Variants in RASSF4 observed in about 807,000 individuals in gnomAD.
RASSF4 encodes the protein ras association domain-containing protein 4.
A neutral mutation model predicts 41.1 loss-of-function variants in RASSF4; 38 were observed. The ratio of observed to expected loss-of-function variants is 0.92; its 90% CI spans 0.71 to 1.21. The LOEUF is 1.21. Among genes scored for constraint, RASSF4 ranks in the 50% most tolerant of loss-of-function variants. The pLI is 0.00. For synonymous variants in RASSF4, 179 were observed against 163.4 expected, an observed-to-expected ratio of 1.10 and a Z score of -0.73; for missense variants, 414 against 419.4, an observed-to-expected ratio of 0.99 and a Z score of 0.11.
intron 3 of RASSF4, 140 bp from the exon 4 acceptor site, chr10:44,982,381 G>C: frequency 1.9e-6 from 2 of 1,032,848 alleles, no homozygotes; most frequent in Non-Finnish European, 2.9e-6. Flanking sequence ...CGTAGTGGCT[G>C]ATGGTCCTTC....
intron 1 of RASSF4, among the ~76,000 whole-genome samples, chr10:44,966,619 G>T (rs139959756): frequency 1.9e-4 from 29 of 152,212 alleles, no homozygotes; most frequent in African/African-American, 6.8e-4. Context: ...GAACTTTCTT[G>T]AAACTGTGGT....
At chr10:44,977,739 T>C in intron 3 of RASSF4, 1 of 1,603,882 alleles carries the variant, frequency 6.2e-7, no homozygotes, top group Non-Finnish European at 8.5e-7. Context: ...GTATCAGCCA[T>C]GGGCAGTGTG....
At chr10:44,991,663 C>T (rs1402538792) in intron 9 of RASSF4, among the ~76,000 whole-genome samples, 1 of 152,236 alleles carries the variant, frequency 6.6e-6, no homozygotes, top group African/African-American at 2.4e-5. Flanking sequence ...ACTGAATGCT[C>T]TTCCTAATAT....
chr10:44,989,479 C>G lies in RASSF4; in HGVS notation c.633+104C>G, dbSNP rs1842033514. The G allele has an allele frequency of 2.8e-5, 27 of 973,988 alleles. No individual in the cohort carries two copies. In the South Asian group the frequency reaches 3.7e-4, roughly 13 times the overall value. The allele number at this position is 973,988 out of a possible 1,614,324, so 60.3% of individuals were successfully genotyped here. The stretch of plus-strand genomic sequence containing the variant: ...CTGCCCGTGGCAGAAGCTGCCTGGG[C>G]AGAAGGTCTAGCAAGGGTCCCTCTG... On this transcript the variant is annotated intron_variant, in intron 7 of 10. Transcript: ENST00000340258.
At chr10:44,972,071 CCCTT>C (rs1405155937) in intron 3 of RASSF4, among the ~76,000 whole-genome samples, 1 of 152,194 alleles carries the variant, frequency 6.6e-6, no homozygotes, top group African/African-American at 2.4e-5. Context: ...GTCAGTGCAT[CCCTT>C]CCAGAGTTCC....
intron 1 of RASSF4, among the ~76,000 whole-genome samples, chr10:44,963,343 A>G (rs1239670270): frequency 6.6e-6 from 1 of 152,144 alleles, no homozygotes; most frequent in East Asian, 1.9e-4. Flanking sequence ...CTCTCACCAC[A>G]AAAATGCTTG....
At chr10:44,991,541 G>A (rs1282340590) in intron 9 of RASSF4, among the ~76,000 whole-genome samples, 2 of 152,194 alleles carry the variant, frequency 1.3e-5, no homozygotes, top group Non-Finnish European at 1.5e-5. Flanking sequence ...AGGAGGCCTA[G>A]TGACCCCGTA....
chr10:44,968,373 C>T (rs1383839159), intron 1 of RASSF4, among the ~76,000 whole-genome samples: 1 of 152,150 alleles, frequency 6.6e-6, no homozygotes, highest in Non-Finnish European at 1.5e-5. Context: ...AAAAATGCAG[C>T]AATAAGTCCC....
chr10:44,987,596 T>A (rs72780684), intron 6 of RASSF4, among the ~76,000 whole-genome samples: 94,431 of 143,898 alleles, frequency 0.66, 31,259 homozygotes, highest in Non-Finnish European at 0.69. Context: ...AGGTTGCTGT[T>A]CAGCAACCTT....
intron 1 of RASSF4, among the ~76,000 whole-genome samples, chr10:44,964,953 T>G (rs1432670071): frequency 6.6e-6 from 1 of 152,202 alleles, no homozygotes; most frequent in African/African-American, 2.4e-5. Context: ...ATTCTGTGAG[T>G]GATCCTGGAG....
intron 6 of RASSF4, among the ~76,000 whole-genome samples, chr10:44,985,324 A>G (rs1474458169): frequency 6.6e-6 from 1 of 152,174 alleles, no homozygotes; most frequent in Non-Finnish European, 1.5e-5. Flanking sequence ...ACTCTCACCG[A>G]ATAATTAAGC....
chr10:44,986,909 G>T (rs376660988), intron 6 of RASSF4, among the ~76,000 whole-genome samples: 5 of 152,126 alleles, frequency 3.3e-5, no homozygotes, highest in African/African-American at 1.2e-4. Context: ...TGTTTCTACT[G>T]CCTGACCTAT....
intron 2 of RASSF4, chr10:44,970,732 T>C (rs911998913): frequency 5.8e-5 from 9 of 154,442 alleles, no homozygotes; most frequent in African/African-American, 2.2e-4. Flanking sequence ...CTGGAGGCTT[T>C]ACAAGAAGTG....
At position 44,993,254 on chromosome 10, in the gene RASSF4, GAT is replaced by G; in HGVS notation, c.906-14_906-13del. On this transcript the variant is annotated splice_polypyrimidine_tract_variant and intron_variant, in intron 10 of 10. Transcript: ENST00000340258. ...TCTGGCCTCAGTGAGTCCTCTTGGCGATGTCTCCCTCCAGGTTCCAAGCCCTG... is the reference window on the plus strand; with the variant it reads ...TCTGGCCTCAGTGAGTCCTCTTGGCGGTCTCCCTCCAGGTTCCAAGCCCTG... 1 of 1,609,494 alleles carries G rather than the reference GAT, an allele frequency of 6.2e-7. No homozygotes were observed. The highest frequency in any genetic ancestry group is 8.5e-7 in the Non-Finnish European group (1 of 1,179,136).
rs1383532526 is a variant in RASSF4, at chr10:44,989,257, C to G, written c.532-17C>G. The G allele has an allele frequency of 6.4e-7, 1 of 1,569,614 alleles. No individual in the cohort carries two copies. The highest frequency in any genetic ancestry group is 1.1e-5 in the South Asian group (1 of 89,682). Reference sequence around the variant, plus strand: ...CCCTCTGGGCCTGACCTGAACTTCTCTCCCTTCCTGGTACAGACCTCCGTG... The same window carrying G: ...CCCTCTGGGCCTGACCTGAACTTCTGTCCCTTCCTGGTACAGACCTCCGTG... On this transcript the variant is annotated splice_polypyrimidine_tract_variant and intron_variant, in intron 6 of 10. Coordinates refer to ENST00000340258, the MANE Select transcript of RASSF4 (RefSeq NM_032023.4).
At chr10:44,985,754 C>T (rs566412794) in intron 6 of RASSF4, among the ~76,000 whole-genome samples, 1 of 152,278 alleles carries the variant, frequency 6.6e-6, no homozygotes, top group Admixed American at 6.5e-5. Context: ...ACTTAGGGTG[C>T]CCTGGACTTT....
At chr10:44,977,966 A>C in intron 3 of RASSF4, 1 of 1,612,188 alleles carries the variant, frequency 6.2e-7, no homozygotes, top group Non-Finnish European at 8.5e-7. Context: ...CCCAAGCAGC[A>C]TCTCCTCCGT....
chr10:44,982,852 T>A, intron 4 of RASSF4, 189 bp downstream of exon 4: 1 of 711,530 alleles, frequency 1.4e-6, no homozygotes, highest in Admixed American at 2.2e-5. Flanking sequence ...CCCTCCTTCC[T>A]GGAGAACATT....
At chr10:44,982,875 G>C (rs1198964680) in intron 4 of RASSF4, 2 of 710,090 alleles carry the variant, frequency 2.8e-6, no homozygotes, top group Admixed American at 2.1e-5. Context: ...AGGCTCCCAT[G>C]ACCTCTATTT....
Sources: gnomAD v4.1 joint callset for allele counts (sites outside exome capture counted in the v4.1 genomes callset) on GRCh38, gnomAD v4.1.1 for gene constraint, MANE v1.5 for transcripts, NCBI Gene and HGNC (gene_info 2026-07-23, HGNC 2026-07-21) for gene names.